PLEKHF2: variants seen among roughly 807,000 people sequenced by gnomAD.
The protein encoded by PLEKHF2 is pleckstrin homology and FYVE domain containing 2, also known as pleckstrin homology domain-containing family F member 2.
A neutral mutation model predicts 14.7 loss-of-function variants in PLEKHF2; 4 were observed. The ratio of observed to expected loss-of-function variants is 0.27; its 90% confidence interval spans 0.13 to 0.62. PLEKHF2 has a LOEUF of 0.62. Among genes scored for constraint, PLEKHF2 ranks in the 20% least tolerant of loss-of-function variants. The pLI, the probability that PLEKHF2 is intolerant of heterozygous loss-of-function variation, is 0.85. For synonymous variants in PLEKHF2, 90 were observed against 103.5 expected, an observed-to-expected ratio of 0.87 and a Z score of 0.79; for missense variants, 201 against 307.7, an observed-to-expected ratio of 0.65 and a Z score of 2.60.
At chr8:95,149,021 C>CA (rs575859215) in intron 1 of PLEKHF2, among the ~76,000 whole-genome samples, 2,399 of 148,228 alleles carry the variant, frequency 0.016, 34 homozygotes, top group Middle Eastern at 0.062. Context: ...ACTAGGAAAA[C>CA]AAAAAAAAAG....
In PLEKHF2 at chr8:95,150,365, A is replaced by G. The variant is rs530260599; in HGVS notation, c.-14-3666A>G. 3.3e-5 allele frequency among the ~76,000 whole-genome samples: 5 copies of G among 152,284 alleles called. No homozygotes were observed. In the South Asian group the frequency reaches 1.0e-3, roughly 32 times the overall value. On this transcript the variant is annotated intron_variant, in intron 1 of 1. Coordinates refer to ENST00000315367, the MANE Select transcript of PLEKHF2 (RefSeq NM_024613.4). ...TTTGTGCATGCCCATAGTTTTTCAG[A>G]TATATGTCACAACCCACCAATCAAT... is the stretch of plus-strand genomic sequence containing the variant.
At chr8:95,144,892 A>C (rs1266144879) in intron 1 of PLEKHF2, among the ~76,000 whole-genome samples, 3 of 151,702 alleles carry the variant, frequency 2.0e-5, no homozygotes, top group African/African-American at 7.2e-5. Flanking sequence ...AAACCCAGAA[A>C]AAAAAACAAA....
intron 1 of PLEKHF2, among the ~76,000 whole-genome samples, chr8:95,144,997 TAAATG>T (rs1175422337): frequency 6.6e-6 from 1 of 152,174 alleles, no homozygotes; most frequent in Admixed American, 6.5e-5. Context: ...TCGAGATTAT[TAAATG>T]AAAGAGTATA....
In PLEKHF2 at chr8:95,154,103, A is replaced by C; in HGVS notation, c.59A>C (p.Asn20Thr). ...ACTAGACGTATAAGTATAGTGGAAAACTGTTTTGGAGCAGCTGGTCAACCT... is the reference window on the plus strand; with the variant it reads ...ACTAGACGTATAAGTATAGTGGAAACCTGTTTTGGAGCAGCTGGTCAACCT... ...ANTRRISIVE[N>T]CFGAAGQPLT... The change falls in exon 2 of 2, where the codon AAC (asparagine) becomes ACC (threonine). Residue 20 changes from asparagine (N) to threonine (T), a missense_variant. By Grantham distance (65) the Asn-to-Thr change is moderately conservative. Transcript: ENST00000315367. The surrounding 1 kb of genome is among the most constrained non-coding windows in gnomAD (Gnocchi z 5.6). 6.2e-7 allele frequency: 1 copy of C among 1,613,790 alleles called. No homozygotes were observed. The highest frequency in any genetic ancestry group is 8.5e-7 in the Non-Finnish European group (1 of 1,179,858).
rs1286756498 is a variant in PLEKHF2, at chr8:95,154,021, T to A, written c.-14-10T>A. The stretch of plus-strand genomic sequence containing the variant: ...TATATGTGCTAATTTCTTTTTCTTT[T>A]TTTTAAAAGGCTATTAGTGAAAGAT... On this transcript the variant is annotated splice_polypyrimidine_tract_variant and intron_variant, in intron 1 of 1. Coordinates refer to ENST00000315367, the MANE Select transcript of PLEKHF2 (RefSeq NM_024613.4). The surrounding 1 kb of genome is among the most constrained non-coding windows in gnomAD (Gnocchi z 5.6). 1 of 1,493,678 alleles carries A rather than the reference T, an allele frequency of 6.7e-7. No homozygotes were observed. The highest frequency in any genetic ancestry group is 8.9e-7 in the Non-Finnish European group (1 of 1,120,214). The allele number at this position is 1,493,678 out of a possible 1,614,324, so 92.5% of individuals were successfully genotyped here.
At chr8:95,151,378 T>C (rs150239337) in intron 1 of PLEKHF2, among the ~76,000 whole-genome samples, 217 of 151,944 alleles carry the variant, frequency 1.4e-3, no homozygotes, top group African/African-American at 5.0e-3. Flanking sequence ...TTTTTTAAAG[T>C]GCCAATGTCT....
chr8:95,137,898 C>G (rs971251203), intron 1 of PLEKHF2, among the ~76,000 whole-genome samples: 1 of 152,238 alleles, frequency 6.6e-6, no homozygotes, highest in Non-Finnish European at 1.5e-5. Flanking sequence ...TTTTCTCTTT[C>G]TCTTTTCTGT....
At chr8:95,138,405 A>G (rs919481888) in intron 1 of PLEKHF2, among the ~76,000 whole-genome samples, 2 of 106,874 alleles carry the variant, frequency 1.9e-5, no homozygotes, top group African/African-American at 7.3e-5. Context: ...AATTCTTTGT[A>G]CTTGTTTCAT....
chr8:95,151,139 T>G (rs1810557945), intron 1 of PLEKHF2, among the ~76,000 whole-genome samples: 1 of 152,168 alleles, frequency 6.6e-6, no homozygotes, highest in Non-Finnish European at 1.5e-5. Context: ...TATTATTAGA[T>G]GCTTCTTTGG....
rs1019414992 is a variant in PLEKHF2 at position 95,133,864 on chromosome 8, A to C, written c.-181A>C. Reference sequence around the variant, plus strand: ...CCTGCGAGCGGCTGCGCTGGCGGCCAGCCCGCCCACCGCGTCTGGATCGCG... The same window carrying C: ...CCTGCGAGCGGCTGCGCTGGCGGCCCGCCCGCCCACCGCGTCTGGATCGCG... On this transcript the variant is annotated 5_prime_UTR_variant, in exon 1 of 2. Transcript: ENST00000315367. 1.6e-4 allele frequency: 24 copies of C among 152,382 alleles called. No homozygotes were observed. Among genetic ancestry groups the C allele is most frequent in the Admixed American group, 1.4e-3 (21 of 15,278 alleles). The allele number at this position is 152,382 out of a possible 1,614,324, so 9.4% of individuals were successfully genotyped here. A position where few individuals can be genotyped will look rare whatever the true frequency, so the allele number is the denominator to read the frequency against.
At position 95,155,315 on chromosome 8, in the gene PLEKHF2, G is replaced by A. The variant is rs1443232296; in HGVS notation, c.*521G>A. The A allele has an allele frequency of 1.2e-5, 2 of 168,200 alleles. No homozygotes were observed. Among genetic ancestry groups the A allele is most frequent in the South Asian group, 2.0e-4 (1 of 4,920 alleles). 10.4% of individuals were successfully genotyped at this position (168,200 alleles called of 1,614,324 possible). A position where few individuals can be genotyped will look rare whatever the true frequency, so the allele number is the denominator to read the frequency against. On this transcript the variant is annotated 3_prime_UTR_variant, in exon 2 of 2. Coordinates refer to ENST00000315367, the MANE Select transcript of PLEKHF2 (RefSeq NM_024613.4). ...ATAATAGCACTGTTACATGAAATAA[G>A]CCCCTACCTTCTTACTTTCTGGTTT...
intron 1 of PLEKHF2, among the ~76,000 whole-genome samples, chr8:95,143,108 T>C (rs1488602982): frequency 6.6e-6 from 1 of 151,104 alleles, no homozygotes; most frequent in Non-Finnish European, 1.5e-5. Flanking sequence ...TTTTTTTTTT[T>C]CTTTTTTTTG....
chr8:95,141,077 T>C (rs1810433908), intron 1 of PLEKHF2, among the ~76,000 whole-genome samples: 1 of 152,232 alleles, frequency 6.6e-6, no homozygotes, highest in Non-Finnish European at 1.5e-5. Flanking sequence ...GAGTATCTTC[T>C]GTCCTTTAAT....
At chr8:95,143,105 T>TTTC (rs1810455597) in intron 1 of PLEKHF2, among the ~76,000 whole-genome samples, 1 of 151,112 alleles carries the variant, frequency 6.6e-6, no homozygotes, top group Admixed American at 6.6e-5. Context: ...TTTTTTTTTT[T>TTTC]TTTCTTTTTT....
intron 1 of PLEKHF2, among the ~76,000 whole-genome samples, chr8:95,143,100 T>TTTTTTTTTTC (rs1391299306): frequency 2.2e-4 from 33 of 150,576 alleles, no homozygotes; most frequent in Non-Finnish European, 4.4e-5. Flanking sequence ...AATCTTTTTT[T>TTTTTTTTTTC]TTTTTTTTCT....
At chr8:95,137,450 A>G (rs1050695383) in intron 1 of PLEKHF2, among the ~76,000 whole-genome samples, 2 of 152,278 alleles carry the variant, frequency 1.3e-5, no homozygotes, top group Non-Finnish European at 2.9e-5. Context: ...CAGGACAAAT[A>G]AATCAGAATT....
Position 95,155,553 on chromosome 8 carries a change from T to G in PLEKHF2, c.*759T>G, listed in dbSNP as rs1810609668. 6.0e-6 allele frequency: 1 copy of G among 167,074 alleles called. No homozygotes were observed. Among genetic ancestry groups the G allele is most frequent in the Non-Finnish European group, 1.5e-5 (1 of 68,100 alleles). The allele number at this position is 167,074 out of a possible 1,614,324, so 10.3% of individuals were successfully genotyped here. On this transcript the variant is annotated 3_prime_UTR_variant, in exon 2 of 2. Transcript: ENST00000315367. Reference sequence around the variant, plus strand: ...ATAATTGTCAAATATATATTTTAAATTAATAAAAGTTGTCATTCTTAGGAA... The same window carrying G: ...ATAATTGTCAAATATATATTTTAAAGTAATAAAAGTTGTCATTCTTAGGAA...
intron 1 of PLEKHF2, among the ~76,000 whole-genome samples, chr8:95,151,440 C>T (rs1294630395): frequency 6.6e-6 from 1 of 151,432 alleles, no homozygotes; most frequent in African/African-American, 2.4e-5. Flanking sequence ...AATATTCTCC[C>T]CTATCCTTAC....
chr8:95,140,153 C>G (rs773864731), intron 1 of PLEKHF2, among the ~76,000 whole-genome samples: 2 of 152,188 alleles, frequency 1.3e-5, no homozygotes, highest in African/African-American at 2.4e-5. Context: ...AAACATGTCC[C>G]AAACTGATTT....
Sources: gnomAD v4.1 joint callset for allele counts (sites outside exome capture counted in the v4.1 genomes callset) on GRCh38, gnomAD v4.1.1 for gene constraint, Gnocchi (gnomAD v3.1) non-coding constraint, MANE v1.5 for transcripts, NCBI Gene and HGNC (gene_info 2026-07-23, HGNC 2026-07-21) for gene names.